Variants in LMBRD1 observed in about 807,000 individuals in gnomAD.
LMBRD1 encodes LMBR1 domain containing 1, also known as lysosomal cobalamin transport escort protein LMBD1.
Under a neutral mutation model 74.8 loss-of-function variants are expected in LMBRD1, and 64 were observed. That is an observed-to-expected ratio of 0.86 (90% confidence interval 0.70 to 1.05). The LOEUF is 1.05. Among genes scored for constraint, LMBRD1 ranks in the 50% least tolerant of loss-of-function variants. The pLI, the probability that LMBRD1 is intolerant of heterozygous loss-of-function variation, is 0.00. For synonymous variants in LMBRD1, 204 were observed against 216.3 expected, an observed-to-expected ratio of 0.94 and a Z score of 0.50; for missense variants, 652 against 645.9, an observed-to-expected ratio of 1.01 and a Z score of -0.10.
intron 5 of LMBRD1, among the ~76,000 whole-genome samples, chr6:69,748,978 C>T (rs1037295591): frequency 4.0e-5 from 6 of 151,882 alleles, no homozygotes; most frequent in East Asian, 1.9e-4. Context: ...TAGAAGGAAA[C>T]GCAATATAGT....
At chr6:69,739,519 C>A (rs1993481) in intron 6 of LMBRD1, among the ~76,000 whole-genome samples, 54,907 of 151,654 alleles carry the variant, frequency 0.36, 10,534 homozygotes, top group East Asian at 0.54. Flanking sequence ...ATGAATTTCA[C>A]AACATTATTT....
At chr6:69,753,868 G>A (rs1029676869) in intron 3 of LMBRD1, among the ~76,000 whole-genome samples, 40 of 151,984 alleles carry the variant, frequency 2.6e-4, no homozygotes, top group African/African-American at 8.0e-4. Flanking sequence ...GTGAACCTGG[G>A]AGGCAGAGCT....
At chr6:69,794,935 T>A (rs563449892) in intron 1 of LMBRD1, among the ~76,000 whole-genome samples, 6 of 152,332 alleles carry the variant, frequency 3.9e-5, no homozygotes, top group South Asian at 2.1e-4. Context: ...GAAATGCTCA[T>A]TGATAGGGTT....
intron 14 of LMBRD1, among the ~76,000 whole-genome samples, chr6:69,684,256 G>A (rs1372024361): frequency 6.6e-6 from 1 of 152,004 alleles, no homozygotes; most frequent in Non-Finnish European, 1.5e-5. Flanking sequence ...TTCATAATAT[G>A]GTTGACAAAG....
intron 14 of LMBRD1, among the ~76,000 whole-genome samples, chr6:69,685,996 CAAAAT>C (rs924070949): frequency 2.2e-4 from 34 of 152,040 alleles, no homozygotes; most frequent in African/African-American, 7.5e-4. Context: ...GCAAACAAAA[CAAAAT>C]AAAACAAGAC....
At position 69,775,024 on chromosome 6, in the gene LMBRD1, AGG is replaced by A. The variant is rs1234508170; in HGVS notation, c.307+5468_307+5469del. The stretch of plus-strand genomic sequence containing the variant: ...GAGGGAGGGAGGGAGGGAGGGAGGG[AGG>A]GAGGGAGGGAAGGAAGGAAAAGATG... On this transcript the variant is annotated intron_variant, in intron 3 of 15. Coordinates refer to ENST00000649934, the MANE Select transcript of LMBRD1 (RefSeq NM_018368.4). Among the ~76,000 whole-genome samples the A allele has an allele frequency of 1.4e-4, 15 of 107,898 alleles. 2 individuals are homozygous for A. The highest frequency in any genetic ancestry group is 4.3e-4 in the African/African-American group (13 of 30,208). 70.8% of individuals were successfully genotyped at this position (107,898 alleles called of 152,430 possible).
intron 9 of LMBRD1, among the ~76,000 whole-genome samples, chr6:69,704,940 G>T (rs1766219002): frequency 7.0e-6 from 1 of 142,724 alleles, no homozygotes. Context: ...TGGTAAGTGT[G>T]TTTCAGGCTA....
At chr6:69,761,934 A>AT (rs1765384089) in intron 3 of LMBRD1, among the ~76,000 whole-genome samples, 3 of 152,154 alleles carry the variant, frequency 2.0e-5, no homozygotes, top group South Asian at 4.1e-4. Flanking sequence ...AGGGGTTGGG[A>AT]TTTTTTCTCT....
At chr6:69,750,216 G>A (rs530192425) in intron 4 of LMBRD1, among the ~76,000 whole-genome samples, 8 of 150,910 alleles carry the variant, frequency 5.3e-5, no homozygotes, top group African/African-American at 1.9e-4. Context: ...TGATAAGAAC[G>A]TCACATATGT....
At chr6:69,742,650 C>A (rs1046671988) in intron 5 of LMBRD1, among the ~76,000 whole-genome samples, 5 of 152,048 alleles carry the variant, frequency 3.3e-5, no homozygotes, top group Admixed American at 1.3e-4. Context: ...AACTCTAATA[C>A]CACGTCCTTC....
intron 1 of LMBRD1, among the ~76,000 whole-genome samples, chr6:69,791,154 T>C (rs920221952): frequency 1.3e-5 from 2 of 152,166 alleles, no homozygotes; most frequent in African/African-American, 4.8e-5. Context: ...ACACAGAGCA[T>C]AGGACTTTAA....
At chr6:69,688,639 A>T (rs1192859882) in intron 14 of LMBRD1, among the ~76,000 whole-genome samples, 1 of 152,018 alleles carries the variant, frequency 6.6e-6, no homozygotes, top group Non-Finnish European at 1.5e-5. Context: ...GTCTTCTCTA[A>T]AATCAGCATC....
chr6:69,776,190 T>A (rs1233070576), intron 3 of LMBRD1, among the ~76,000 whole-genome samples: 2 of 152,166 alleles, frequency 1.3e-5, no homozygotes, highest in African/African-American at 4.8e-5. Context: ...GGACAAAAGA[T>A]CCATTCAAAG....
intron 9 of LMBRD1, among the ~76,000 whole-genome samples, chr6:69,712,806 T>G (rs1766412002): frequency 6.6e-6 from 1 of 152,050 alleles, no homozygotes; most frequent in South Asian, 2.1e-4. Context: ...TGAGAGGGCC[T>G]ACAGTCAACA....
At chr6:69,777,135 G>A (rs68181489) in intron 3 of LMBRD1, among the ~76,000 whole-genome samples, 52,041 of 151,494 alleles carry the variant, frequency 0.34, 9,878 homozygotes, top group East Asian at 0.54. Context: ...ACAACAAAGG[G>A]AGGCTCCATC....
At chr6:69,752,495 G>T in intron 3 of LMBRD1, 139 bp from the exon 4 acceptor site, 1 of 668,856 alleles carries the variant, frequency 1.5e-6, no homozygotes, top group Non-Finnish European at 2.5e-6. Flanking sequence ...TTTCTATATA[G>T]TACATGATGC....
intron 1 of LMBRD1, 97 bp downstream of exon 1, chr6:69,796,716 A>G (rs1582175843): frequency 1.8e-6 from 2 of 1,111,658 alleles, no homozygotes; most frequent in Admixed American, 4.0e-5. Flanking sequence ...GGCGGGGCGA[A>G]GAGGGTCTCC....
chr6:69,705,363 T>C (rs749517726), intron 9 of LMBRD1: 12 of 822,318 alleles, frequency 1.5e-5, no homozygotes, highest in African/African-American at 5.0e-5. Flanking sequence ...CTTCATATAA[T>C]TGATGAACTT....
At chr6:69,730,037 T>C (rs1242328722) in intron 7 of LMBRD1, among the ~76,000 whole-genome samples, 2 of 151,930 alleles carry the variant, frequency 1.3e-5, no homozygotes, top group Non-Finnish European at 2.9e-5. Flanking sequence ...CTCTAGTGAA[T>C]TTCCAGAAAA....
Sources: gnomAD v4.1 joint callset for allele counts (sites outside exome capture counted in the v4.1 genomes callset) on GRCh38, gnomAD v4.1.1 for gene constraint, MANE v1.5 for transcripts, NCBI Gene and HGNC (gene_info 2026-07-23, HGNC 2026-07-21) for gene names.